The following PPP4R4 variants were observed in gnomAD, a reference collection of about 807,000 sequenced individuals.
The protein encoded by PPP4R4 is protein phosphatase 4 regulatory subunit 4.
In PPP4R4, 70 loss-of-function variants were observed where a neutral mutation model predicts 121.8. The ratio of observed to expected loss-of-function variants is 0.57; its 90% confidence interval spans 0.47 to 0.70. The LOEUF (loss-of-function observed/expected upper bound fraction) is 0.70. Ranked by LOEUF, PPP4R4 falls within the 30% of genes least tolerant of loss-of-function variation. The pLI is 0.00. For missense variants in PPP4R4, 875 were observed against 1,033.6 expected, an observed-to-expected ratio of 0.85 and a Z score of 2.10; for synonymous variants, 348 against 355.7, an observed-to-expected ratio of 0.98 and a Z score of 0.24.
intron 11 of PPP4R4, among the ~76,000 whole-genome samples, chr14:94,242,989 C>T (rs1009573328): frequency 2.0e-5 from 3 of 152,188 alleles, no homozygotes; most frequent in Non-Finnish European, 4.4e-5. Context: ...GCAATAAATA[C>T]GGATAAGCTA....
At chr14:94,199,295 G>A (rs1298637673) in intron 2 of PPP4R4, among the ~76,000 whole-genome samples, 1 of 152,224 alleles carries the variant, frequency 6.6e-6, no homozygotes, top group Non-Finnish European at 1.5e-5. Context: ...GCGTGCAGTG[G>A]GGGAGTGGCG....
intron 1 of PPP4R4, among the ~76,000 whole-genome samples, chr14:94,174,925 G>A (rs111994934): frequency 5.2e-5 from 7 of 135,570 alleles, no homozygotes; most frequent in African/African-American, 2.0e-4. Flanking sequence ...CCGAGCTCCA[G>A]CCCTCGGGGC....
At chr14:94,213,266 G>A (rs1236175448) in intron 3 of PPP4R4, among the ~76,000 whole-genome samples, 1 of 152,160 alleles carries the variant, frequency 6.6e-6, no homozygotes, top group African/African-American at 2.4e-5. Context: ...GATATAAAAT[G>A]TGTAATTTAA....
At chr14:94,212,092 T>C (rs769505452) in intron 3 of PPP4R4, among the ~76,000 whole-genome samples, 3 of 152,218 alleles carry the variant, frequency 2.0e-5, no homozygotes, top group Non-Finnish European at 4.4e-5. Flanking sequence ...GTGCAGCTTT[T>C]AGAGCTCACT....
intron 12 of PPP4R4, 84 bp downstream of exon 12, chr14:94,244,796 A>G (rs1156672061): frequency 1.5e-6 from 2 of 1,325,994 alleles, no homozygotes; most frequent in Non-Finnish European, 2.0e-6. Flanking sequence ...TCTTCTTGGA[A>G]TCGTGTCAAC....
rs964619064 is a variant in PPP4R4, at chr14:94,275,346, T to C, written c.2450-28T>C. Reference sequence around the variant, plus strand: ...ACCCTCTTTGTTAGTATATTTGGTATGTCTGACTTTATATGTATTGCTTTC... The same window carrying C: ...ACCCTCTTTGTTAGTATATTTGGTACGTCTGACTTTATATGTATTGCTTTC... On this transcript the variant is annotated intron_variant, in intron 23 of 24. Coordinates refer to ENST00000304338, the MANE Select transcript of PPP4R4 (RefSeq NM_058237.2). The C allele has an allele frequency of 2.5e-6, 4 of 1,610,630 alleles. No homozygotes were observed. In the African/African-American group the frequency reaches 5.3e-5, roughly 22 times the overall value.
Position 94,244,591 on chromosome 14 carries a change from G to A in PPP4R4, c.1267-44G>A, listed in dbSNP as rs750121623. On this transcript the variant is annotated intron_variant, in intron 11 of 24. Coordinates refer to ENST00000304338, the MANE Select transcript of PPP4R4 (RefSeq NM_058237.2). ...AAAATTATTATTGTAACCTGTATCT[G>A]TCTAGTACTCTCAAATCTGAGAGAC... The A allele has an allele frequency of 7.2e-6, 10 of 1,396,698 alleles. No homozygotes were observed. In the East Asian group the frequency reaches 2.2e-4, roughly 30 times the overall value. The allele number at this position is 1,396,698 out of a possible 1,614,324, so 86.5% of individuals were successfully genotyped here. A position where few individuals can be genotyped will look rare whatever the true frequency, so the allele number is the denominator to read the frequency against.
intron 2 of PPP4R4, among the ~76,000 whole-genome samples, chr14:94,196,688 T>A (rs975055107): frequency 6.6e-6 from 1 of 152,150 alleles, no homozygotes; most frequent in African/African-American, 2.4e-5. Context: ...TGTTTATTCA[T>A]CTTTTTCTTC....
intron 2 of PPP4R4, among the ~76,000 whole-genome samples, chr14:94,197,143 TG>T (rs1322468628): frequency 2.6e-5 from 4 of 152,208 alleles, no homozygotes; most frequent in African/African-American, 7.2e-5. Flanking sequence ...ACCTTCTTGT[TG>T]TTCCTCTGCT....
intron 18 of PPP4R4, 49 bp from the exon 19 acceptor site, chr14:94,259,245 GC>G (rs1205490625): frequency 1.3e-6 from 2 of 1,559,576 alleles, no homozygotes; most frequent in African/African-American, 2.8e-5. Flanking sequence ...TTTAAACTTG[GC>G]AGAAACTCAT....
intron 3 of PPP4R4, among the ~76,000 whole-genome samples, chr14:94,228,026 C>G (rs1460644690): frequency 1.3e-5 from 2 of 152,140 alleles, no homozygotes; most frequent in African/African-American, 4.8e-5. Context: ...CCCTCTTTCT[C>G]TCAGCCAAGA....
At chr14:94,196,309 G>GTTTTTT (rs5810663) in intron 2 of PPP4R4, among the ~76,000 whole-genome samples, 4 of 88,352 alleles carry the variant, frequency 4.5e-5, no homozygotes, top group Non-Finnish European at 8.1e-5. Flanking sequence ...TCTTTCAAAG[G>GTTTTTT]TTTTTTTTTT....
At chr14:94,182,667 A>G (rs1002905283) in intron 2 of PPP4R4, among the ~76,000 whole-genome samples, 6 of 152,072 alleles carry the variant, frequency 3.9e-5, no homozygotes, top group African/African-American at 1.4e-4. Context: ...TATTCATTCC[A>G]CTGCTGATGG....
intron 3 of PPP4R4, among the ~76,000 whole-genome samples, chr14:94,216,910 G>T (rs1339113466): frequency 6.6e-6 from 1 of 152,168 alleles, no homozygotes; most frequent in Non-Finnish European, 1.5e-5. Context: ...GAAGGCAGGA[G>T]ATGTTAGAAC....
At chr14:94,252,172 A>G (rs1893221402) in intron 16 of PPP4R4, among the ~76,000 whole-genome samples, 1 of 152,184 alleles carries the variant, frequency 6.6e-6, no homozygotes, top group Admixed American at 6.5e-5. Context: ...ACACATTGAA[A>G]TGATTAGAAG....
chr14:94,210,260 A>G (rs1295943503), intron 3 of PPP4R4, among the ~76,000 whole-genome samples: 1 of 151,744 alleles, frequency 6.6e-6, no homozygotes, highest in Non-Finnish European at 1.5e-5. Context: ...ACAAAGAATC[A>G]AAGTGTATAA....
chr14:94,183,789 T>C (rs2139384401), intron 2 of PPP4R4, among the ~76,000 whole-genome samples: 1 of 152,262 alleles, frequency 6.6e-6, no homozygotes, highest in East Asian at 1.9e-4. Context: ...GTTTTCATCT[T>C]GTAAGCATAG....
intron 14 of PPP4R4, among the ~76,000 whole-genome samples, chr14:94,246,940 C>T (rs1336317598): frequency 6.6e-6 from 1 of 152,322 alleles, no homozygotes; most frequent in East Asian, 1.9e-4. Flanking sequence ...TAGTGTTTGA[C>T]CCCAGCTATG....
At chr14:94,266,783 T>C (rs1438781512) in intron 22 of PPP4R4, among the ~76,000 whole-genome samples, 176 bp from the exon 23 acceptor site, 6 of 152,156 alleles carry the variant, frequency 3.9e-5, no homozygotes, top group East Asian at 1.9e-4. Context: ...TTTCAAGTTA[T>C]AGACGAAGTA....
Sources: gnomAD v4.1 joint callset for allele counts (sites outside exome capture counted in the v4.1 genomes callset) on GRCh38, gnomAD v4.1.1 for gene constraint, MANE v1.5 for transcripts, NCBI Gene and HGNC (gene_info 2026-07-23, HGNC 2026-07-21) for gene names.